FARP1: variants seen among roughly 807,000 people sequenced by gnomAD.
The protein encoded by FARP1 is FERM, ARHGEF and pleckstrin domain-containing protein 1.
A neutral mutation model predicts 128.8 loss-of-function variants in FARP1; 52 were observed. That is an observed-to-expected ratio of 0.40 (90% CI 0.32 to 0.51). FARP1 has a LOEUF of 0.51. Ranked by LOEUF, FARP1 falls within the 20% of genes least tolerant of loss-of-function variation. The pLI, the probability that FARP1 is intolerant of heterozygous loss-of-function variation, is 0.45. For missense variants in FARP1, 1,333 were observed against 1,367.9 expected (o/e 0.97, Z 0.40); for synonymous variants, 580 against 551.8 (o/e 1.05, Z -0.72).
intron 2 of FARP1, among the ~76,000 whole-genome samples, chr13:98,276,263 T>C (rs538876384): frequency 9.2e-5 from 14 of 152,200 alleles, no homozygotes; most frequent in African/African-American, 2.2e-4. Context: ...TGTTGTAGAG[T>C]CTCTGAAAAA....
intron 2 of FARP1, among the ~76,000 whole-genome samples, chr13:98,240,386 G>C (rs920151562): frequency 2.0e-5 from 3 of 152,174 alleles, no homozygotes; most frequent in African/African-American, 4.8e-5. Flanking sequence ...CAGGCAGGAA[G>C]GGAGGATGCG....
intron 17 of FARP1, among the ~76,000 whole-genome samples, chr13:98,429,304 C>T (rs1367990812): frequency 2.0e-5 from 3 of 152,134 alleles, no homozygotes; most frequent in South Asian, 2.1e-4. Context: ...GAGAGTGTGC[C>T]GCATTTGGAT....
chr13:98,422,077 G>A (rs1891614545), intron 16 of FARP1, among the ~76,000 whole-genome samples: 2 of 152,248 alleles, frequency 1.3e-5, no homozygotes, highest in East Asian at 1.9e-4. Flanking sequence ...AGAAGTAGAG[G>A]GTGAAAAGAG....
chr13:98,385,821 G>C lies in FARP1; in HGVS notation c.759+7G>C, dbSNP rs767482817. The C allele has an allele frequency of 3.1e-6, 5 of 1,613,706 alleles. No homozygotes were observed. Among genetic ancestry groups the C allele is most frequent in the Middle Eastern group, 3.3e-4 (2 of 6,058 alleles). On this transcript the variant is annotated splice_region_variant and intron_variant, in intron 8 of 26. Transcript: ENST00000319562. ...GGGAATTCTAGTGTTTCAGGTGAGA[G>C]CCTTGAGAACACGGCCTGGTTCCCT...
chr13:98,422,373 C>T (rs182529541), intron 16 of FARP1, among the ~76,000 whole-genome samples: 22 of 152,180 alleles, frequency 1.4e-4, no homozygotes, highest in Admixed American at 4.6e-4. Flanking sequence ...AGCAGAGGAG[C>T]GGTGCCAATT....
chr13:98,419,847 G>A (rs1271154115), intron 16 of FARP1, among the ~76,000 whole-genome samples: 4 of 152,196 alleles, frequency 2.6e-5, no homozygotes, highest in Admixed American at 6.5e-5. Context: ...CCGCTGGCAT[G>A]TGTGCTCTGA....
chr13:98,188,080 G>A (rs543109706), intron 1 of FARP1, among the ~76,000 whole-genome samples: 2 of 152,284 alleles, frequency 1.3e-5, no homozygotes, highest in South Asian at 2.1e-4. Flanking sequence ...TCTGCTGAGC[G>A]TGAGTTGGCA....
chr13:98,153,650 G>A (rs375883313), intron 1 of FARP1, among the ~76,000 whole-genome samples: 1 of 146,686 alleles, frequency 6.8e-6, no homozygotes, highest in East Asian at 2.0e-4. Context: ...TGCAACCTCC[G>A]ACTCCCGGGT....
At chr13:98,275,106 T>C (rs2139596798) in intron 2 of FARP1, among the ~76,000 whole-genome samples, 1 of 152,350 alleles carries the variant, frequency 6.6e-6, no homozygotes, top group Middle Eastern at 3.4e-3. Context: ...AGTAACATGA[T>C]ATCTGTGAGA....
intron 2 of FARP1, among the ~76,000 whole-genome samples, chr13:98,248,100 A>G (rs1162480210): frequency 5.3e-5 from 8 of 152,076 alleles, no homozygotes; most frequent in Admixed American, 4.6e-4. Flanking sequence ...CTTCCCAAAC[A>G]GGCCAATGGG....
At chr13:98,276,214 C>G (rs898686621) in intron 2 of FARP1, among the ~76,000 whole-genome samples, 3 of 152,102 alleles carry the variant, frequency 2.0e-5, no homozygotes, top group Non-Finnish European at 4.4e-5. Context: ...AATGAGGAAG[C>G]AAGATGCTAA....
At chr13:98,292,149 A>G (rs1478497312) in intron 2 of FARP1, among the ~76,000 whole-genome samples, 4 of 152,242 alleles carry the variant, frequency 2.6e-5, no homozygotes, top group Non-Finnish European at 5.9e-5. Context: ...GGAAGCATCC[A>G]CAGCCCTTTC....
At chr13:98,441,528 G>C (rs1244638283) in intron 24 of FARP1, among the ~76,000 whole-genome samples, 1 of 152,226 alleles carries the variant, frequency 6.6e-6, no homozygotes, top group Non-Finnish European at 1.5e-5. Context: ...GGGCCCCTCC[G>C]GGTTTTCTGG....
At chr13:98,368,479 G>C (rs1232717587) in intron 5 of FARP1, among the ~76,000 whole-genome samples, 6 of 152,202 alleles carry the variant, frequency 3.9e-5, no homozygotes. Flanking sequence ...TCACATCATG[G>C]ACTGTTCTGG....
chr13:98,158,571 T>C (rs1876651903), intron 1 of FARP1, among the ~76,000 whole-genome samples: 1 of 151,972 alleles, frequency 6.6e-6, no homozygotes, highest in South Asian at 2.1e-4. Flanking sequence ...GTTTTGGAGG[T>C]AGAATAGCAT....
At chr13:98,240,993 G>C (rs965600515) in intron 2 of FARP1, among the ~76,000 whole-genome samples, 1 of 152,224 alleles carries the variant, frequency 6.6e-6, no homozygotes, top group Non-Finnish European at 1.5e-5. Context: ...CTCAGGAGAA[G>C]GAAGGCAGAA....
chr13:98,220,466 G>A (rs1017477036), intron 2 of FARP1, among the ~76,000 whole-genome samples: 3 of 152,068 alleles, frequency 2.0e-5, no homozygotes, highest in African/African-American at 4.8e-5. Flanking sequence ...ATAAGTCAGC[G>A]TTTCTTTTTT....
At chr13:98,402,762 C>T (rs1274498375) in intron 13 of FARP1, 2 of 152,174 alleles carry the variant, frequency 1.3e-5, no homozygotes, top group African/African-American at 4.8e-5. Context: ...CCTAACTAAC[C>T]AAACCTCACC....
At chr13:98,162,204 T>A (rs1172234725) in intron 1 of FARP1, among the ~76,000 whole-genome samples, 1 of 152,186 alleles carries the variant, frequency 6.6e-6, no homozygotes, top group Non-Finnish European at 1.5e-5. Context: ...CGGGAATGTT[T>A]CCAGAAAAGT....
Sources: allele counts gnomAD v4.1 joint callset (sites outside exome capture counted in the v4.1 genomes callset), GRCh38; gene constraint gnomAD v4.1.1; transcripts MANE v1.5; gene names NCBI Gene and HGNC (gene_info 2026-07-23, HGNC 2026-07-21).